Variants in VAV3 observed in about 807,000 individuals in gnomAD.
VAV3 encodes the protein guanine nucleotide exchange factor VAV3.
In VAV3, 94 loss-of-function variants were observed where a neutral mutation model predicts 131.2. The ratio of observed to expected loss-of-function variants is 0.72; its 90% CI spans 0.61 to 0.85. The LOEUF is 0.85. VAV3 is among the 40% of genes least tolerant of loss of function. The pLI is 0.00. For synonymous variants in VAV3, 349 were observed against 342.0 expected (o/e 1.02, Z -0.22); for missense variants, 939 against 1,002.7 (o/e 0.94, Z 0.86).
At chr1:107,725,440 G>A (rs1313388428) in intron 15 of VAV3, among the ~76,000 whole-genome samples, 1 of 152,144 alleles carries the variant, frequency 6.6e-6, no homozygotes, top group Non-Finnish European at 1.5e-5. Flanking sequence ...GGACACTGTG[G>A]AACGTCTACA....
chr1:107,684,595 G>A (rs1275340242), intron 18 of VAV3, among the ~76,000 whole-genome samples: 1 of 152,182 alleles, frequency 6.6e-6, no homozygotes, highest in Non-Finnish European at 1.5e-5. Context: ...GCAAATTGGA[G>A]AAATTTTTAA....
Position 107,853,838 on chromosome 1 carries a change from G to C in VAV3, c.321+21063C>G, listed in dbSNP as rs149897137. 7.5e-3 allele frequency among the ~76,000 whole-genome samples: 1,141 copies of C among 152,260 alleles called. 14 individuals carry two copies. The highest frequency in any genetic ancestry group is 0.017 in the African/African-American group (694 of 41,522). On this transcript the variant is annotated intron_variant, in intron 2 of 26. Coordinates refer to ENST00000370056, the MANE Select transcript of VAV3 (RefSeq NM_006113.5). ...CAGTATTTTAACTCCTTTATAAGAG[G>C]TAACTAAAGAATATTCCACAGACAA... is the stretch of plus-strand genomic sequence containing the variant.
intron 12 of VAV3, among the ~76,000 whole-genome samples, chr1:107,753,109 G>C (rs1241035247): frequency 6.6e-6 from 1 of 152,012 alleles, no homozygotes; most frequent in Non-Finnish European, 1.5e-5. Context: ...GTATTATTCA[G>C]CTTTAAACAA....
chr1:107,920,905 C>A (rs1185677786), intron 1 of VAV3, among the ~76,000 whole-genome samples: 1 of 152,120 alleles, frequency 6.6e-6, no homozygotes, highest in Non-Finnish European at 1.5e-5. Flanking sequence ...ATACTTTATT[C>A]TCTTCACATC....
At chr1:107,771,698 G>A (rs1180662568) in intron 5 of VAV3, among the ~76,000 whole-genome samples, 5 of 152,222 alleles carry the variant, frequency 3.3e-5, no homozygotes, top group African/African-American at 9.6e-5. Flanking sequence ...TTTTCCAAGT[G>A]CGCAAGAAGA....
At chr1:107,625,055 T>C (rs898914500) in intron 20 of VAV3, among the ~76,000 whole-genome samples, 3 of 152,132 alleles carry the variant, frequency 2.0e-5, no homozygotes, top group Admixed American at 1.3e-4. Context: ...TCAACCCTTC[T>C]TGGCTTCATT....
At chr1:107,870,948 T>C (rs1391493096) in intron 2 of VAV3, among the ~76,000 whole-genome samples, 1 of 152,174 alleles carries the variant, frequency 6.6e-6, no homozygotes, top group African/African-American at 2.4e-5. Flanking sequence ...GCCTGACTTC[T>C]ATTACGCTCT....
intron 17 of VAV3, among the ~76,000 whole-genome samples, chr1:107,693,401 CTTGAG>C (rs1250103413): frequency 5.3e-5 from 8 of 152,028 alleles, no homozygotes; most frequent in African/African-American, 1.9e-4. Flanking sequence ...TTCAAATGCA[CTTGAG>C]TTAATAATCT....
At chr1:107,803,256 A>G (rs897361484) in intron 2 of VAV3, among the ~76,000 whole-genome samples, 3 of 151,806 alleles carry the variant, frequency 2.0e-5, no homozygotes, top group African/African-American at 4.8e-5. Flanking sequence ...AGGTTTGTCA[A>G]TATTGTTTAT....
At chr1:107,783,743 T>G (rs542311178) in intron 2 of VAV3, among the ~76,000 whole-genome samples, 4 of 152,026 alleles carry the variant, frequency 2.6e-5, no homozygotes, top group South Asian at 2.1e-4. Context: ...AAATGAAAAT[T>G]TATTGGCTTT....
intron 1 of VAV3, among the ~76,000 whole-genome samples, chr1:107,910,236 CT>C (rs1672303445): frequency 6.6e-6 from 1 of 152,194 alleles, no homozygotes; most frequent in African/African-American, 2.4e-5. Flanking sequence ...CCAATCTAAG[CT>C]TTTCCATACA....
chr1:107,882,676 A>G (rs1397878859), intron 1 of VAV3, among the ~76,000 whole-genome samples: 1 of 152,100 alleles, frequency 6.6e-6, no homozygotes, highest in Admixed American at 6.6e-5. Flanking sequence ...TAAATCTTAC[A>G]TCTCCTAGAA....
chr1:107,683,923 A>G (rs1658836803), intron 18 of VAV3, among the ~76,000 whole-genome samples: 3 of 152,192 alleles, frequency 2.0e-5, no homozygotes, highest in Admixed American at 2.0e-4. Context: ...TGATCTCATA[A>G]AACTCTAACT....
At chr1:107,644,623 G>C (rs1293604215) in intron 19 of VAV3, among the ~76,000 whole-genome samples, 2 of 152,066 alleles carry the variant, frequency 1.3e-5, no homozygotes, top group African/African-American at 4.8e-5. Context: ...GACAAATGAT[G>C]GAAAGAGCTG....
chr1:107,738,028 A>T (rs1662772420), intron 15 of VAV3, among the ~76,000 whole-genome samples: 2 of 152,346 alleles, frequency 1.3e-5, no homozygotes, highest in African/African-American at 4.8e-5. Context: ...GTGCAGCCAT[A>T]AAAAAGGATG....
intron 19 of VAV3, among the ~76,000 whole-genome samples, chr1:107,660,034 T>C (rs1306283369): frequency 1.3e-5 from 2 of 152,214 alleles, no homozygotes; most frequent in African/African-American, 4.8e-5. Context: ...AAATCTCTCC[T>C]ACAACTGAAA....
chr1:107,873,362 C>T (rs1670338554), intron 2 of VAV3, among the ~76,000 whole-genome samples: 1 of 152,054 alleles, frequency 6.6e-6, no homozygotes, highest in Non-Finnish European at 1.5e-5. Flanking sequence ...TAAATAGTTC[C>T]TTAATGAGCT....
At chr1:107,704,788 A>G in intron 16 of VAV3, 138 bp from the exon 17 acceptor site, 1 of 969,258 alleles carries the variant, frequency 1.0e-6, no homozygotes, top group Non-Finnish European at 1.5e-6. Context: ...AGCTTGCCAG[A>G]GCTTCTGAAA....
intron 19 of VAV3, among the ~76,000 whole-genome samples, chr1:107,670,595 T>C (rs1657719046): frequency 6.6e-6 from 1 of 152,180 alleles, no homozygotes; most frequent in Admixed American, 6.5e-5. Context: ...AGGCAAGATC[T>C]GTACTTGGCA....
Sources: allele counts gnomAD v4.1 joint callset (sites outside exome capture counted in the v4.1 genomes callset), GRCh38; gene constraint gnomAD v4.1.1; transcripts MANE v1.5; gene names NCBI Gene and HGNC (gene_info 2026-07-23, HGNC 2026-07-21).